Variants in ITPKB observed in about 807,000 individuals in gnomAD.
ITPKB encodes IP3 3-kinase B.
In ITPKB, 13 loss-of-function variants were observed where a neutral mutation model predicts 69.4. The observed-to-expected ratio is 0.19, with a 90% confidence interval of 0.12 to 0.30. ITPKB has a LOEUF of 0.30. Ranked by LOEUF, ITPKB falls within the 10% of genes least tolerant of loss-of-function variation. The probability of loss-of-function intolerance (pLI) is 1.00; values close to 1 mark genes in which losing one functional copy is unlikely to be tolerated. For synonymous variants in ITPKB, 584 were observed against 513.7 expected (o/e 1.14, Z -1.85); for missense variants, 1,240 against 1,250.5 (o/e 0.99, Z 0.13).
intron 2 of ITPKB, among the ~76,000 whole-genome samples, chr1:226,654,312 A>G (rs900708376): frequency 6.6e-6 from 1 of 152,220 alleles, no homozygotes; most frequent in Non-Finnish European, 1.5e-5. Flanking sequence ...AGGAGCCGGC[A>G]GACAGCAGCC....
rs1447008842 is a variant in ITPKB, at chr1:226,731,314, T to C, written c.1932+4213A>G. ...TAATTATTAATGATAATCTTAGGTA[T>C]GGTACTGATGATTTATTTTGATGAT... On this transcript the variant is annotated intron_variant, in intron 2 of 7. Transcript: ENST00000429204. Among the ~76,000 whole-genome samples the C allele has an allele frequency of 2.6e-5, 4 of 152,226 alleles. No individual in the cohort carries two copies. The East Asian group carries it at 7.7e-4, about 29-fold the overall frequency.
intron 2 of ITPKB, among the ~76,000 whole-genome samples, chr1:226,650,947 G>A (rs1487523104): frequency 2.0e-5 from 3 of 152,200 alleles, no homozygotes; most frequent in African/African-American, 4.8e-5. Flanking sequence ...TGGCCCCTCC[G>A]AGGAAGACTA....
chr1:226,676,753 G>A (rs1003744942), intron 2 of ITPKB, among the ~76,000 whole-genome samples: 1 of 152,232 alleles, frequency 6.6e-6, no homozygotes, highest in Non-Finnish European at 1.5e-5. Flanking sequence ...AGGACGTAGG[G>A]TAACTGCCTG....
chr1:226,736,865 C>T lies in ITPKB; in HGVS notation c.594G>A (p.Glu198=), dbSNP rs1188198498. 6.2e-7 allele frequency: 1 copy of T among 1,611,466 alleles called. No homozygotes were observed. Among genetic ancestry groups the T allele is most frequent in the Non-Finnish European group, 8.5e-7 (1 of 1,180,034 alleles). ...GRVLVQGARS[E]ERRTKSWGEQ... ...CCCCCCAGGACTTTGTCCTCCGTTC[C>T]TCGCTCCGGGCGCCCTGAACCAGGA... is the stretch of plus-strand genomic sequence containing the variant. The change falls in exon 2 of 8, where the codon GAG becomes GAA. Residue 198 remains glutamate, a synonymous_variant. Transcript: ENST00000429204.
intron 2 of ITPKB, among the ~76,000 whole-genome samples, chr1:226,712,801 T>G (rs1343623336): frequency 6.6e-6 from 1 of 152,196 alleles, no homozygotes; most frequent in African/African-American, 2.4e-5. Flanking sequence ...TGTGAAAATA[T>G]TAGCGTCCCG....
rs775210250 is a variant in ITPKB at position 226,641,890 on chromosome 1, G to A, written c.2451+31C>T. 3 of 1,594,804 alleles carry A rather than the reference G, an allele frequency of 1.9e-6. No individual in the cohort carries two copies. Among genetic ancestry groups the A allele is most frequent in the Non-Finnish European group, 1.7e-6 (2 of 1,166,972 alleles). Reference sequence around the variant, plus strand: ...GCCCCCTGAGGTGGGCACGGGTGGGGCCCGAGGCTGCCCTCACTCGCCGGC... The same window carrying A: ...GCCCCCTGAGGTGGGCACGGGTGGGACCCGAGGCTGCCCTCACTCGCCGGC... On this transcript the variant is annotated intron_variant, in intron 5 of 7. Coordinates refer to ENST00000429204, the MANE Select transcript of ITPKB (RefSeq NM_002221.4). This position sits in a 1 kb window ranked among gnomAD's most constrained non-coding sequence, Gnocchi z 4.6.
chr1:226,733,829 G>C (rs708774), intron 2 of ITPKB, among the ~76,000 whole-genome samples: 42,478 of 152,058 alleles, frequency 0.28, 6,092 homozygotes, highest in Admixed American at 0.3. Flanking sequence ...TGTCGTTATT[G>C]ATCTCCCTGT....
Position 226,634,658 on chromosome 1 carries a change from G to C in ITPKB, c.*13C>G. 1 of 780,362 alleles carries C rather than the reference G, an allele frequency of 1.3e-6. No homozygotes were observed. The highest frequency in any genetic ancestry group is 2.4e-6 in the Non-Finnish European group (1 of 418,876). The allele number at this position is 780,362 out of a possible 1,614,324, so 48.3% of individuals were successfully genotyped here. On this transcript the variant is annotated 3_prime_UTR_variant, in exon 8 of 8. Transcript: ENST00000429204. The surrounding 1 kb of genome is among the most constrained non-coding windows in gnomAD (Gnocchi z 6.3). ...AGGAGGCCCAGGCGGGGGCCAGGGA[G>C]GGCGTGGGCAGCTCAGGCGAGTGGG...
chr1:226,659,978 C>G (rs1571845468), intron 2 of ITPKB, among the ~76,000 whole-genome samples: 1 of 152,216 alleles, frequency 6.6e-6, no homozygotes, highest in Non-Finnish European at 1.5e-5. Context: ...AAGGCTCACA[C>G]TGCTTTATGT....
At chr1:226,724,753 C>G (rs572696661) in intron 2 of ITPKB, among the ~76,000 whole-genome samples, 2 of 152,198 alleles carry the variant, frequency 1.3e-5, no homozygotes, top group Non-Finnish European at 2.9e-5. Flanking sequence ...AAACCCCTGC[C>G]GAGCTCTCCT....
intron 2 of ITPKB, among the ~76,000 whole-genome samples, chr1:226,703,553 A>C (rs1315174724): frequency 1.3e-5 from 2 of 152,108 alleles, no homozygotes; most frequent in African/African-American, 4.8e-5. Flanking sequence ...CCACGCGCGG[A>C]AGCCCGCGGC....
In ITPKB at chr1:226,639,661, G is replaced by A; in HGVS notation, c.2452-3C>T. 6.2e-7 allele frequency: 1 copy of A among 1,604,224 alleles called. No homozygotes were observed. Among genetic ancestry groups the A allele is most frequent in the Non-Finnish European group, 8.5e-7 (1 of 1,170,986 alleles). ...CGGTTCACGGTGCCGTCTTCTTTCTGAGAAAGAGAACACCCCACCCAGGAG... is the reference window on the plus strand; with the variant it reads ...CGGTTCACGGTGCCGTCTTCTTTCTAAGAAAGAGAACACCCCACCCAGGAG... On this transcript the variant is annotated splice_region_variant and splice_polypyrimidine_tract_variant and intron_variant, in intron 5 of 7. Transcript: ENST00000429204.
At chr1:226,675,127 C>CAAAAAAA (rs71168989) in intron 2 of ITPKB, 2 of 66,970 alleles carry the variant, frequency 3.0e-5, no homozygotes. Context: ...TGCTTACAGG[C>CAAAAAAA]AAAAAAAAAA....
intron 2 of ITPKB, among the ~76,000 whole-genome samples, chr1:226,687,971 T>G (rs929868543): frequency 6.6e-6 from 1 of 151,998 alleles, no homozygotes; most frequent in Non-Finnish European, 1.5e-5. Flanking sequence ...GCCAAGGGAG[T>G]GTCTGTAACA....
chr1:226,649,704 TC>T (rs1026069209), intron 2 of ITPKB, among the ~76,000 whole-genome samples: 16 of 149,966 alleles, frequency 1.1e-4, no homozygotes, highest in African/African-American at 4.0e-4. Flanking sequence ...TCAATTCTTT[TC>T]TATTTCCATC....
rs573290114 is a variant in ITPKB, at chr1:226,680,260, G to A, written c.1933-31489C>T. The stretch of plus-strand genomic sequence containing the variant: ...GTGACTGCTGGGGCGGGGATGGGGC[G>A]GGGCACACCCAGCTGCCCAAATCAG... On this transcript the variant is annotated intron_variant, in intron 2 of 7. Transcript: ENST00000429204. 7.4e-4 allele frequency among the ~76,000 whole-genome samples: 112 copies of A among 152,308 alleles called. No individual in the cohort carries two copies. In the South Asian group the frequency reaches 0.022, roughly 30 times the overall value.
At chr1:226,683,509 A>G (rs1656133589) in intron 2 of ITPKB, among the ~76,000 whole-genome samples, 1 of 152,152 alleles carries the variant, frequency 6.6e-6, no homozygotes, top group East Asian at 1.9e-4. Flanking sequence ...TATATGTACC[A>G]AGAACCCATT....
intron 2 of ITPKB, among the ~76,000 whole-genome samples, chr1:226,732,540 C>CTTT (rs1174629347): frequency 2.8e-5 from 4 of 142,204 alleles, no homozygotes; most frequent in African/African-American, 1.1e-4. Context: ...GCCCAGCGTT[C>CTTT]TTTTGTTTTT....
chr1:226,736,788 C>T lies in ITPKB; in HGVS notation c.671G>A (p.Ser224Asn). Residue 224 changes from serine to asparagine, a missense_variant, in exon 2 of 8, where the codon AGC becomes AAC. Ser to Asn is a conservative substitution (Grantham distance 46). Around this residue, in one of 2 missense-constraint regions of ITPKB, gnomAD observed 992 missense variants for 853.8 expected, o/e 1.16. Transcript: ENST00000429204. ...GTDSGRKGGP[S>N]LCSSQVKKGM... ...TTTCTTCACCTGCGAGGAGCATAGG[C>T]TGGGCCCTCCTTTCCTCCCGGAGTC... 2 of 1,613,108 alleles carry T rather than the reference C, an allele frequency of 1.2e-6. No homozygotes were observed. The highest frequency in any genetic ancestry group is 2.2e-5 in the South Asian group (2 of 91,092).
Sources: allele counts gnomAD v4.1 joint callset (sites outside exome capture counted in the v4.1 genomes callset), GRCh38; gene constraint gnomAD v4.1.1; regional missense constraint gnomAD v4.1.1; non-coding constraint Gnocchi (gnomAD v3.1); transcripts MANE v1.5; gene names NCBI Gene and HGNC (gene_info 2026-07-23, HGNC 2026-07-21).